Variants in KCNG3 observed in about 807,000 individuals in gnomAD.
KCNG3 encodes the protein potassium voltage-gated channel modifier subfamily G member 3, also known as voltage-gated potassium channel regulatory subunit KCNG3.
In KCNG3, 15 loss-of-function variants were observed where a neutral mutation model predicts 29.0. The ratio of observed to expected loss-of-function variants is 0.52; its 90% CI spans 0.35 to 0.80. KCNG3 has a LOEUF of 0.80. Among genes scored for constraint, KCNG3 ranks in the 30% least tolerant of loss-of-function variants. The pLI is 0.01. For synonymous variants in KCNG3, 322 were observed against 248.9 expected, an observed-to-expected ratio of 1.29 and a Z score of -2.76; for missense variants, 512 against 605.7, an observed-to-expected ratio of 0.85 and a Z score of 1.62.
intron 1 of KCNG3, among the ~76,000 whole-genome samples, chr2:42,492,443 T>C (rs1423655409): frequency 6.6e-6 from 1 of 152,208 alleles, no homozygotes; most frequent in Admixed American, 6.5e-5. Context: ...CTACCAAAAA[T>C]TGGCAAATAA....
At chr2:42,468,445 G>C (rs930453424) in intron 1 of KCNG3, among the ~76,000 whole-genome samples, 13 of 152,154 alleles carry the variant, frequency 8.5e-5, no homozygotes, top group African/African-American at 2.9e-4. Context: ...CAACTGTACA[G>C]CTATATCAGC....
At chr2:42,478,381 C>T (rs992767848) in intron 1 of KCNG3, among the ~76,000 whole-genome samples, 5 of 152,026 alleles carry the variant, frequency 3.3e-5, no homozygotes, top group South Asian at 2.1e-4. Flanking sequence ...GAGTAGTGCA[C>T]GTCACCATGC....
At chr2:42,480,091 C>T (rs1673544549) in intron 1 of KCNG3, among the ~76,000 whole-genome samples, 1 of 152,184 alleles carries the variant, frequency 6.6e-6, no homozygotes, top group Non-Finnish European at 1.5e-5. Context: ...ATATCCCACA[C>T]CAACCATAAA....
At chr2:42,399,239 T>C in the KCNG3 span, among the ~76,000 whole-genome samples, 1 of 151,972 alleles carries the variant, frequency 6.6e-6, no homozygotes, top group Non-Finnish European at 1.5e-5. Context: ...GTGCCTTTTA[T>C]AGGGACAGGA....
At chr2:42,412,116 C>T in the KCNG3 span, among the ~76,000 whole-genome samples, 1 of 152,178 alleles carries the variant, frequency 6.6e-6, no homozygotes. Context: ...CCTTTGTGGA[C>T]ATGAGAAGAT....
At chr2:42,480,750 C>T (rs1293383621) in intron 1 of KCNG3, among the ~76,000 whole-genome samples, 2 of 138,628 alleles carry the variant, frequency 1.4e-5, no homozygotes, top group African/African-American at 5.6e-5. Flanking sequence ...CATATTGAAA[C>T]CCCATCTTAA....
the KCNG3 span, among the ~76,000 whole-genome samples, chr2:42,392,841 G>C: frequency 6.6e-6 from 1 of 152,022 alleles, no homozygotes; most frequent in African/African-American, 2.4e-5. Flanking sequence ...AAAGAACTCA[G>C]ATACAACAAC....
At chr2:42,460,181 T>C (rs993863108) in intron 1 of KCNG3, among the ~76,000 whole-genome samples, 3 of 151,684 alleles carry the variant, frequency 2.0e-5, no homozygotes, top group East Asian at 3.9e-4. Context: ...ATGGACAACA[T>C]AGCAAGACCC....
At chr2:42,399,400 T>C in the KCNG3 span, among the ~76,000 whole-genome samples, 2 of 152,178 alleles carry the variant, frequency 1.3e-5, no homozygotes, top group Non-Finnish European at 2.9e-5. Context: ...CTATTGTAGA[T>C]ACTATTCCTC....
chr2:42,408,209 C>T, the KCNG3 span, among the ~76,000 whole-genome samples: 1 of 152,152 alleles, frequency 6.6e-6, no homozygotes, highest in Non-Finnish European at 1.5e-5. Flanking sequence ...CCATGAACAG[C>T]AGCGGGAGGC....
At chr2:42,408,438 C>A in the KCNG3 span, among the ~76,000 whole-genome samples, 4 of 152,186 alleles carry the variant, frequency 2.6e-5, no homozygotes, top group Admixed American at 1.3e-4. Flanking sequence ...TAGAGCTGGG[C>A]AGACCTCAGG....
intron 1 of KCNG3, among the ~76,000 whole-genome samples, chr2:42,448,684 T>C (rs1328129491): frequency 6.6e-6 from 1 of 152,140 alleles, no homozygotes; most frequent in Non-Finnish European, 1.5e-5. Flanking sequence ...AATACAGTAT[T>C]CGCAGGAAGT....
the KCNG3 span, among the ~76,000 whole-genome samples, chr2:42,420,382 T>C: frequency 6.6e-6 from 1 of 152,202 alleles, no homozygotes; most frequent in Non-Finnish European, 1.5e-5. Context: ...AGGGGGTTAA[T>C]AATAACTACC....
At chr2:42,399,097 C>T in the KCNG3 span, among the ~76,000 whole-genome samples, 2 of 146,522 alleles carry the variant, frequency 1.4e-5, no homozygotes, top group Non-Finnish European at 3.0e-5. Context: ...CACTCTGTCA[C>T]CCAGGCTGGA....
the KCNG3 span, among the ~76,000 whole-genome samples, chr2:42,433,652 T>C: frequency 1.4e-4 from 22 of 152,080 alleles, no homozygotes; most frequent in South Asian, 2.1e-4. Flanking sequence ...GGCAGGAGAA[T>C]TGCTTGAACC....
intron 1 of KCNG3, among the ~76,000 whole-genome samples, chr2:42,472,502 C>CT (rs1366301839): frequency 2.8e-5 from 4 of 145,356 alleles, no homozygotes; most frequent in Non-Finnish European, 6.0e-5. Flanking sequence ...ACTTCGACTG[C>CT]ATTTTTTTTT....
the KCNG3 span, among the ~76,000 whole-genome samples, chr2:42,398,180 G>A: frequency 4.6e-5 from 7 of 151,360 alleles, no homozygotes; most frequent in East Asian, 1.4e-3. Context: ...CCGAGACCGC[G>A]CCACTGCACT....
the KCNG3 span, among the ~76,000 whole-genome samples, chr2:42,422,972 ACT>A: frequency 2.6e-5 from 4 of 151,284 alleles, no homozygotes; most frequent in Admixed American, 6.6e-5. Flanking sequence ...CTCCCTCAAC[ACT>A]CTTACAGAGG....
intron 1 of KCNG3, among the ~76,000 whole-genome samples, chr2:42,474,566 C>A (rs1238153665): frequency 6.6e-6 from 1 of 152,042 alleles, no homozygotes; most frequent in Non-Finnish European, 1.5e-5. Flanking sequence ...GGTTATGAAT[C>A]TAAATATTAT....
Sources: gnomAD v4.1 joint callset for allele counts (sites outside exome capture counted in the v4.1 genomes callset) on GRCh38, gnomAD v4.1.1 for gene constraint, MANE v1.5 for transcripts, NCBI Gene and HGNC (gene_info 2026-07-23, HGNC 2026-07-21) for gene names.